FAM13A: variants seen among roughly 807,000 people sequenced by gnomAD.
The protein encoded by FAM13A is protein FAM13A.
A neutral mutation model predicts 129.6 loss-of-function variants in FAM13A; 76 were observed. The ratio of observed to expected loss-of-function variants is 0.59; its 90% CI spans 0.49 to 0.71. FAM13A has a LOEUF of 0.71. Among genes scored for constraint, FAM13A ranks in the 30% least tolerant of loss-of-function variants. The pLI, the probability that FAM13A is intolerant of heterozygous loss-of-function variation, is 0.00. For synonymous variants in FAM13A, 443 were observed against 449.9 expected (o/e 0.98, Z 0.20); for missense variants, 1,108 against 1,249.3 (o/e 0.89, Z 1.70).
chr4:88,894,680 G>A (rs956553405), intron 6 of FAM13A, among the ~76,000 whole-genome samples: 2 of 152,010 alleles, frequency 1.3e-5, no homozygotes, highest in Non-Finnish European at 2.9e-5. Flanking sequence ...CGCCACCATG[G>A]CCGGCTAATT....
At chr4:88,892,876 AT>A (rs1745593446) in intron 6 of FAM13A, among the ~76,000 whole-genome samples, 1 of 151,682 alleles carries the variant, frequency 6.6e-6, no homozygotes, top group South Asian at 2.1e-4. Flanking sequence ...TTGATACAAT[AT>A]TGATTTATTT....
Position 88,747,834 on chromosome 4 carries a change from A to T in FAM13A, c.2179T>A (p.Ser727Thr). The T allele has an allele frequency of 6.2e-7, 1 of 1,612,676 alleles. No individual in the cohort carries two copies. The change falls in exon 18 of 24, where the codon TCT (serine) becomes ACT (threonine). Residue 727 changes from serine (S) to threonine (T), a missense_variant. Transcript: ENST00000264344. ...RQLKESKLKI[S>T]EEDLTPRMRQ... is the part of the protein sequence containing the mutation. Reference sequence around the variant, plus strand: ...ATCCTGGGAGTTAGGTCCTCTTCAGATATCTTTAGTTTTGATTCTAGTTGA... The same window carrying T: ...ATCCTGGGAGTTAGGTCCTCTTCAGTTATCTTTAGTTTTGATTCTAGTTGA...
At position 88,925,271 on chromosome 4, in the gene FAM13A, C is replaced by T. The variant is rs544487921; in HGVS notation, c.759+12817G>A. Among the ~76,000 whole-genome samples the T allele has an allele frequency of 6.4e-4, 97 of 152,258 alleles. 2 individuals are homozygous for T. The South Asian group carries it at 0.02, about 31-fold the overall frequency. On this transcript the variant is annotated intron_variant, in intron 5 of 23. Coordinates refer to ENST00000264344, the MANE Select transcript of FAM13A (RefSeq NM_014883.4). ...ACATGCACATGTATGTTTATTGCGG[C>T]TCTATTCACAATAGCAAAGACTTGG...
At chr4:88,888,753 G>A (rs1377746147) in intron 6 of FAM13A, among the ~76,000 whole-genome samples, 2 of 149,066 alleles carry the variant, frequency 1.3e-5, no homozygotes, top group Non-Finnish European at 3.0e-5. Context: ...GTGAAACCCC[G>A]TCTCTACTAA....
intron 3 of FAM13A, among the ~76,000 whole-genome samples, chr4:89,011,228 C>T (rs925555045): frequency 6.6e-6 from 1 of 150,456 alleles, no homozygotes; most frequent in African/African-American, 2.4e-5. Flanking sequence ...CCTTTAAAAT[C>T]CCATGATGAG....
At chr4:88,880,782 GC>G (rs1743397723) in intron 6 of FAM13A, among the ~76,000 whole-genome samples, 1 of 124,444 alleles carries the variant, frequency 8.0e-6, no homozygotes, top group Non-Finnish European at 1.7e-5. Context: ...GCGGTGGGGG[GC>G]GGGGGGGGGG....
intron 6 of FAM13A, among the ~76,000 whole-genome samples, chr4:88,897,935 C>T (rs1746621272): frequency 6.6e-6 from 1 of 152,268 alleles, no homozygotes; most frequent in African/African-American, 2.4e-5. Context: ...TAAACTTACA[C>T]TCATCCATGT....
intron 6 of FAM13A, among the ~76,000 whole-genome samples, chr4:88,858,452 T>C (rs1335390624): frequency 6.6e-6 from 1 of 152,214 alleles, no homozygotes; most frequent in Non-Finnish European, 1.5e-5. Context: ...ATACTAATGT[T>C]CACAGCTGCA....
chr4:88,992,423 A>G (rs1455540773), intron 3 of FAM13A, among the ~76,000 whole-genome samples: 2 of 152,034 alleles, frequency 1.3e-5, no homozygotes, highest in Admixed American at 6.6e-5. Context: ...GGTGCACACC[A>G]CCATGCCCGG....
rs770120236 is a variant in FAM13A, at chr4:88,749,024, T to C, written c.2089A>G (p.Ser697Gly). 7.4e-6 allele frequency: 12 copies of C among 1,613,030 alleles called. No individual in the cohort carries two copies. Among genetic ancestry groups the C allele is most frequent in the East Asian group, 4.5e-5 (2 of 44,876 alleles). ...ACCTCCGGATTGGCTGCTTTGTCACTGTGGGAAGGCTGAGAAAAGGAAGTC... is the reference window on the plus strand; with the variant it reads ...ACCTCCGGATTGGCTGCTTTGTCACCGTGGGAAGGCTGAGAAAAGGAAGTC... ...EEEKKYRPSH[S>G]DKAANPEVLK... is the part of the protein sequence containing the mutation. Residue 697 changes from serine to glycine, a missense_variant, in exon 17 of 24, where the codon AGT (serine) becomes GGT (glycine). Around this residue, in one of 3 missense-constraint regions of FAM13A, gnomAD observed 529 missense variants for 621.2 expected, o/e 0.85. Transcript: ENST00000264344.
chr4:88,871,852 C>T (rs1265094786), intron 6 of FAM13A, among the ~76,000 whole-genome samples: 1 of 152,088 alleles, frequency 6.6e-6, no homozygotes, highest in East Asian at 1.9e-4. Flanking sequence ...GTCAGATTCA[C>T]CAAGGTTGAA....
At chr4:88,873,902 C>T (rs1034371087) in intron 6 of FAM13A, among the ~76,000 whole-genome samples, 8 of 152,152 alleles carry the variant, frequency 5.3e-5, no homozygotes, top group African/African-American at 1.9e-4. Flanking sequence ...AAAATACTGG[C>T]AAACCGAATC....
chr4:88,864,605 C>T (rs1487603290), intron 6 of FAM13A, among the ~76,000 whole-genome samples: 1 of 151,930 alleles, frequency 6.6e-6, no homozygotes, highest in African/African-American at 2.4e-5. Context: ...GACGGGGTTT[C>T]ACCATGTTTG....
rs1215998288 is a variant in FAM13A at position 88,991,001 on chromosome 4, C to T, written c.577G>A (p.Ala193Thr). 3.7e-6 allele frequency: 6 copies of T among 1,613,968 alleles called. No individual in the cohort carries two copies. Among genetic ancestry groups the T allele is most frequent in the South Asian group, 1.1e-5 (1 of 91,058 alleles). The change falls in exon 4 of 24, where the codon GCC (alanine) becomes ACC (threonine). Residue 193 changes from alanine to threonine, a missense_variant. Ala to Thr is a moderately conservative substitution (Grantham distance 58). This residue lies in a region of FAM13A where 566 missense variants were observed against 595.7 expected (regional missense o/e 0.95). Coordinates refer to ENST00000264344, the MANE Select transcript of FAM13A (RefSeq NM_014883.4). ...VQNRMNVHNL[A>T]TVFGPNCFHV... is the part of the protein sequence containing the mutation. ...AAGCAATTTGGCCCAAATACAGTGG[C>T]GAGATTGTGAACATTCATGCGATTC...
At chr4:88,879,581 T>G (rs138159603) in intron 6 of FAM13A, among the ~76,000 whole-genome samples, 1,882 of 152,284 alleles carry the variant, frequency 0.012, 59 homozygotes, top group Admixed American at 0.064. Flanking sequence ...ATCCTAGGGT[T>G]GTACTCACTG....
At chr4:89,053,993 G>A (rs1164646920) in intron 1 of FAM13A, among the ~76,000 whole-genome samples, 3 of 151,980 alleles carry the variant, frequency 2.0e-5, no homozygotes, top group Non-Finnish European at 4.4e-5. Flanking sequence ...AACATGAACT[G>A]GCAACTGTAA....
intron 2 of FAM13A, among the ~76,000 whole-genome samples, chr4:89,025,216 A>C (rs1033997215): frequency 7.0e-6 from 1 of 143,186 alleles, no homozygotes; most frequent in Non-Finnish European, 1.5e-5. Context: ...TTCAAATGCC[A>C]TATGCTAAAG....
chr4:89,029,560 C>G lies in FAM13A; in HGVS notation c.117G>C (p.Lys39Asn). The G allele has an allele frequency of 6.3e-7, 1 of 1,594,402 alleles. No individual in the cohort carries two copies. Among genetic ancestry groups the G allele is most frequent in the Non-Finnish European group, 8.5e-7 (1 of 1,174,562 alleles). ...GTTCTTGGAGACTGACTCCAAATAA[C>G]TTCTGATAGGTAAAATCCTTCTGTT... is the stretch of plus-strand genomic sequence containing the variant. ...LNEQKDFTYQ[K>N]LFGVSLQELE... The change falls in exon 2 of 24, where the codon AAG becomes AAC. Residue 39 changes from lysine (K) to asparagine (N), a missense_variant. Lys to Asn is a moderately conservative substitution (Grantham distance 94). Transcript: ENST00000264344.
At chr4:88,973,656 C>T (rs1165376963) in intron 4 of FAM13A, among the ~76,000 whole-genome samples, 1 of 152,148 alleles carries the variant, frequency 6.6e-6, no homozygotes, top group African/African-American at 2.4e-5. Context: ...GATGCTTGCT[C>T]TGCCACTTTA....
Sources: gnomAD v4.1 joint callset for allele counts (sites outside exome capture counted in the v4.1 genomes callset) on GRCh38, gnomAD v4.1.1 for gene constraint, gnomAD v4.1.1 regional missense constraint, MANE v1.5 for transcripts, NCBI Gene and HGNC (gene_info 2026-07-23, HGNC 2026-07-21) for gene names.